MAGI2: variants seen among roughly 807,000 people sequenced by gnomAD.
The protein encoded by MAGI2 is membrane-associated guanylate kinase, WW and PDZ domain-containing protein 2.
MAGI2 carries 35 observed loss-of-function variants against 133.3 expected under a neutral mutation model. That is an observed-to-expected ratio of 0.26 (90% CI 0.20 to 0.35). The LOEUF is 0.35. Ranked by LOEUF, MAGI2 falls within the 10% of genes least tolerant of loss-of-function variation. MAGI2 has a pLI of 1.00. For missense variants in MAGI2, 1,636 were observed against 1,863.4 expected (o/e 0.88, Z 2.25); for synonymous variants, 729 against 710.6 (o/e 1.03, Z -0.41).
At chr7:79,184,757 T>C (rs1826921254) in intron 1 of MAGI2, among the ~76,000 whole-genome samples, 1 of 151,864 alleles carries the variant, frequency 6.6e-6, no homozygotes, top group Non-Finnish European at 1.5e-5. Flanking sequence ...GCAATTCTGA[T>C]TCTATCAAAG....
intron 2 of MAGI2, among the ~76,000 whole-genome samples, chr7:78,703,530 C>G (rs1818288589): frequency 1.3e-5 from 2 of 151,916 alleles, no homozygotes; most frequent in Admixed American, 1.3e-4. Context: ...CTTCATAACT[C>G]TGACTGTAAA....
intron 6 of MAGI2, among the ~76,000 whole-genome samples, chr7:78,468,088 C>T (rs1334488893): frequency 6.6e-6 from 1 of 152,058 alleles, no homozygotes; most frequent in Admixed American, 6.6e-5. Context: ...ACAAAACAAA[C>T]TTTGGTTTGA....
At chr7:78,592,586 C>T (rs1056103070) in intron 3 of MAGI2, among the ~76,000 whole-genome samples, 30 of 151,892 alleles carry the variant, frequency 2.0e-4, no homozygotes, top group Admixed American at 6.6e-4. Flanking sequence ...CAAAGAGTGA[C>T]GGTAGAAAAA....
At chr7:79,108,077 T>A (rs1333757728) in intron 1 of MAGI2, among the ~76,000 whole-genome samples, 21 of 152,180 alleles carry the variant, frequency 1.4e-4, no homozygotes, top group Non-Finnish European at 2.9e-5. Context: ...ATTCTCAACA[T>A]CAGAGAGTGT....
intron 18 of MAGI2, among the ~76,000 whole-genome samples, chr7:78,129,290 T>G (rs566533178): frequency 6.6e-6 from 1 of 152,100 alleles, no homozygotes; most frequent in African/African-American, 2.4e-5. Context: ...GGATTTTAAG[T>G]TGAACTACAC....
At chr7:79,284,744 C>G (rs1009322495) in intron 1 of MAGI2, among the ~76,000 whole-genome samples, 3 of 152,072 alleles carry the variant, frequency 2.0e-5, no homozygotes, top group African/African-American at 4.8e-5. Context: ...TGGAACGTTA[C>G]CAGAATCATT....
At chr7:78,027,772 T>C (rs778896173) in intron 21 of MAGI2, among the ~76,000 whole-genome samples, 1 of 152,186 alleles carries the variant, frequency 6.6e-6, no homozygotes, top group South Asian at 2.1e-4. Flanking sequence ...CTGGATTGAA[T>C]TGAAAATATA....
At chr7:78,796,773 A>G (rs1281635963) in intron 2 of MAGI2, among the ~76,000 whole-genome samples, 2 of 152,188 alleles carry the variant, frequency 1.3e-5, no homozygotes, top group African/African-American at 4.8e-5. Context: ...TGGTATATAT[A>G]CATAATGGAA....
intron 2 of MAGI2, among the ~76,000 whole-genome samples, chr7:78,947,449 G>T (rs1801512285): frequency 6.6e-6 from 1 of 152,112 alleles, no homozygotes; most frequent in Non-Finnish European, 1.5e-5. Context: ...ATATTAATAA[G>T]CTACTTGAAA....
rs542167241 is a variant in MAGI2 at position 78,403,178 on chromosome 7, G to A, written c.1046-33965C>T. On this transcript the variant is annotated intron_variant, in intron 6 of 21. Coordinates refer to ENST00000354212, the MANE Select transcript of MAGI2 (RefSeq NM_012301.4). Reference sequence around the variant, plus strand: ...CCCCCATCCCATGACAGGCCCCAGTGTGTGATGTTCCCCTTCCTGTGTCCA... The same window carrying A: ...CCCCCATCCCATGACAGGCCCCAGTATGTGATGTTCCCCTTCCTGTGTCCA... 5.7e-4 allele frequency among the ~76,000 whole-genome samples: 87 copies of A among 151,798 alleles called. 1 individual carries two copies. The highest frequency in any genetic ancestry group is 1.8e-3 in the African/African-American group (74 of 41,354).
chr7:78,471,336 CT>C (rs1791184806), intron 6 of MAGI2, among the ~76,000 whole-genome samples: 1 of 152,096 alleles, frequency 6.6e-6, no homozygotes, highest in Non-Finnish European at 1.5e-5. Context: ...GAATAATTAA[CT>C]GATCAAAAGT....
intron 2 of MAGI2, among the ~76,000 whole-genome samples, chr7:78,787,333 T>C (rs1266944314): frequency 6.6e-6 from 1 of 152,178 alleles, no homozygotes; most frequent in Non-Finnish European, 1.5e-5. Context: ...ATGAGAAGTA[T>C]GGAGGCCATT....
intron 7 of MAGI2, among the ~76,000 whole-genome samples, chr7:78,357,506 T>C (rs1416559170): frequency 2.0e-5 from 3 of 152,184 alleles, no homozygotes; most frequent in Non-Finnish European, 2.9e-5. Context: ...TCTGAAAATA[T>C]TATTCACATT....
At chr7:79,212,127 T>C (rs1829551453) in intron 1 of MAGI2, among the ~76,000 whole-genome samples, 1 of 152,130 alleles carries the variant, frequency 6.6e-6, no homozygotes, top group African/African-American at 2.4e-5. Flanking sequence ...ACAATACACA[T>C]ACTTTCTGCA....
At chr7:79,187,433 T>A (rs950289271) in intron 1 of MAGI2, among the ~76,000 whole-genome samples, 2 of 151,782 alleles carry the variant, frequency 1.3e-5, no homozygotes, top group Admixed American at 1.3e-4. Context: ...GTATAATTCT[T>A]AGCTTAGTCC....
intron 6 of MAGI2, among the ~76,000 whole-genome samples, chr7:78,464,151 T>C (rs1247229975): frequency 6.6e-6 from 1 of 152,164 alleles, no homozygotes; most frequent in Non-Finnish European, 1.5e-5. Flanking sequence ...ACCATCATTA[T>C]CCTCGGAGCA....
At chr7:78,571,198 T>A (rs1240971475) in intron 3 of MAGI2, among the ~76,000 whole-genome samples, 4 of 152,182 alleles carry the variant, frequency 2.6e-5, no homozygotes, top group Non-Finnish European at 4.4e-5. Context: ...GCCTCTTAAG[T>A]TTCCTGTAGA....
At chr7:78,813,785 C>T (rs1381660055) in intron 2 of MAGI2, among the ~76,000 whole-genome samples, 1 of 96,802 alleles carries the variant, frequency 1.0e-5, no homozygotes, top group Non-Finnish European at 2.0e-5. Context: ...GATTCTGTCT[C>T]AAAAAAAAAA....
chr7:78,799,101 C>T (rs937567120), intron 2 of MAGI2, among the ~76,000 whole-genome samples: 1 of 152,130 alleles, frequency 6.6e-6, no homozygotes, highest in South Asian at 2.1e-4. Flanking sequence ...TTGGTCAGGA[C>T]AGGTCATCAT....
Sources: allele counts gnomAD v4.1 joint callset (sites outside exome capture counted in the v4.1 genomes callset), GRCh38; gene constraint gnomAD v4.1.1; transcripts MANE v1.5; gene names NCBI Gene and HGNC (gene_info 2026-07-23, HGNC 2026-07-21).